Variants in GRHL2 observed in about 807,000 individuals in gnomAD.
GRHL2 encodes the protein grainyhead-like protein 2 homolog.
In GRHL2, 21 loss-of-function variants were observed where a neutral mutation model predicts 83.8. That is an observed-to-expected ratio of 0.25 (90% CI 0.18 to 0.36). GRHL2 has a LOEUF of 0.36. GRHL2 is among the 10% of genes least tolerant of loss of function. The pLI, the probability that GRHL2 is intolerant of heterozygous loss-of-function variation, is 1.00. For missense variants in GRHL2, 623 were observed against 781.8 expected (o/e 0.80, Z 2.42); for synonymous variants, 280 against 278.9 (o/e 1.00, Z -0.04).
At chr8:101,526,891 C>T (rs1810818372) in intron 1 of GRHL2, among the ~76,000 whole-genome samples, 1 of 152,170 alleles carries the variant, frequency 6.6e-6, no homozygotes, top group Admixed American at 6.5e-5. Context: ...ATATTCTATA[C>T]TGCTTCATGA....
chr8:101,549,063 A>G (rs1025493913), intron 2 of GRHL2, among the ~76,000 whole-genome samples: 4 of 151,994 alleles, frequency 2.6e-5, no homozygotes, highest in Non-Finnish European at 4.4e-5. Flanking sequence ...AGAGACTGCC[A>G]TATCATGGAC....
intron 2 of GRHL2, among the ~76,000 whole-genome samples, chr8:101,545,568 G>T (rs1274196447): frequency 6.6e-6 from 1 of 151,486 alleles, no homozygotes; most frequent in Non-Finnish European, 1.5e-5. Flanking sequence ...TCTGATTGAG[G>T]ATCTCATCTG....
intron 1 of GRHL2, among the ~76,000 whole-genome samples, chr8:101,510,948 A>C (rs1371801721): frequency 2.6e-5 from 4 of 152,090 alleles, no homozygotes; most frequent in African/African-American, 7.2e-5. Flanking sequence ...AAAATACAAA[A>C]AAATTAGCCA....
Position 101,631,629 on chromosome 8 carries a change from C to G in GRHL2, c.1258-8C>G. On this transcript the variant is annotated splice_polypyrimidine_tract_variant and splice_region_variant and intron_variant, in intron 9 of 15. Coordinates refer to ENST00000646743, the MANE Select transcript of GRHL2 (RefSeq NM_024915.4). The stretch of plus-strand genomic sequence containing the variant: ...TGGCATTTTCTGTATTTGTTTTTTT[C>G]CTATCAGGGAGCAGAAAGAAAAATC... 2 of 1,611,306 alleles carry G rather than the reference C, an allele frequency of 1.2e-6. No homozygotes were observed. Among genetic ancestry groups the G allele is most frequent in the Non-Finnish European group, 1.7e-6 (2 of 1,178,046 alleles).
chr8:101,610,720 G>A (rs1450882063), intron 8 of GRHL2, among the ~76,000 whole-genome samples: 2 of 150,882 alleles, frequency 1.3e-5, no homozygotes, highest in Non-Finnish European at 2.9e-5. Context: ...TAGTGCTAGG[G>A]TTTGCACCAG....
At chr8:101,584,611 T>TA (rs1812124862) in intron 7 of GRHL2, among the ~76,000 whole-genome samples, 1 of 152,338 alleles carries the variant, frequency 6.6e-6, no homozygotes, top group Non-Finnish European at 1.5e-5. Flanking sequence ...GAGTTTTTTT[T>TA]ATTTGAGTTT....
At chr8:101,663,073 T>C (rs1813957955) in intron 14 of GRHL2, among the ~76,000 whole-genome samples, 1 of 152,188 alleles carries the variant, frequency 6.6e-6, no homozygotes, top group African/African-American at 2.4e-5. Context: ...GTTTTCTCTA[T>C]CCTAAACAGT....
At chr8:101,508,483 T>C (rs1810385266) in intron 1 of GRHL2, among the ~76,000 whole-genome samples, 1 of 152,096 alleles carries the variant, frequency 6.6e-6, no homozygotes, top group Non-Finnish European at 1.5e-5. Context: ...TAGGGTTTTG[T>C]ACAGAGTTCA....
chr8:101,553,774 C>T (rs181768042), intron 3 of GRHL2, among the ~76,000 whole-genome samples: 45 of 152,104 alleles, frequency 3.0e-4, no homozygotes, highest in Admixed American at 1.8e-3. Context: ...ACTGCAAGTG[C>T]GCACCACCAT....
At chr8:101,581,676 C>T (rs955562102) in intron 7 of GRHL2, among the ~76,000 whole-genome samples, 3 of 152,176 alleles carry the variant, frequency 2.0e-5, no homozygotes, top group East Asian at 3.9e-4. Flanking sequence ...GTTTACTGAA[C>T]ACCTACTATG....
At chr8:101,580,609 C>T (rs1420229685) in intron 7 of GRHL2, among the ~76,000 whole-genome samples, 3 of 152,126 alleles carry the variant, frequency 2.0e-5, no homozygotes, top group Non-Finnish European at 4.4e-5. Flanking sequence ...AAGAATTTTA[C>T]GCAAGATCAC....
chr8:101,523,765 C>T (rs1563563455), intron 1 of GRHL2, among the ~76,000 whole-genome samples: 1 of 152,130 alleles, frequency 6.6e-6, no homozygotes, highest in Non-Finnish European at 1.5e-5. Context: ...AAGTGTGAGC[C>T]ACTGGCCCAG....
intron 1 of GRHL2, among the ~76,000 whole-genome samples, chr8:101,505,946 T>C (rs1347767636): frequency 6.6e-6 from 1 of 152,204 alleles, no homozygotes; most frequent in Non-Finnish European, 1.5e-5. Context: ...CTGCAGCGTA[T>C]CCAAGTGTGC....
chr8:101,611,629 T>C (rs550955464), intron 8 of GRHL2, among the ~76,000 whole-genome samples: 10 of 150,962 alleles, frequency 6.6e-5, no homozygotes, highest in Non-Finnish European at 1.2e-4. Flanking sequence ...TCTCTACTAC[T>C]GAACACAATG....
At chr8:101,645,447 C>G (rs1398735150) in intron 13 of GRHL2, among the ~76,000 whole-genome samples, 1 of 152,146 alleles carries the variant, frequency 6.6e-6, no homozygotes, top group African/African-American at 2.4e-5. Flanking sequence ...TGCCCGCCAT[C>G]TGCATAGGCT....
Position 101,669,254 on chromosome 8 carries a change from CTT to C in GRHL2, c.*2562_*2563del, listed in dbSNP as rs71276995. On this transcript the variant is annotated 3_prime_UTR_variant, in exon 16 of 16. Transcript: ENST00000646743. ...GGACATGTGAAATGAGCATTTTTTT[CTT>C]TTTTTTTTTTAACAAAGTCTGAACT... 1 of 126,626 alleles carries C rather than the reference CTT, an allele frequency of 7.9e-6. No homozygotes were observed. The highest frequency in any genetic ancestry group is 1.6e-5 in the Non-Finnish European group (1 of 61,468). The allele number at this position is 126,626 out of a possible 1,614,324, so 7.8% of individuals were successfully genotyped here. A position where few individuals can be genotyped will look rare whatever the true frequency, so the allele number is the denominator to read the frequency against.
At chr8:101,672,708 C>T (rs957976490), downstream of GRHL2, among the ~76,000 whole-genome samples, 8 of 151,854 alleles carry the variant, frequency 5.3e-5, no homozygotes, top group African/African-American at 1.9e-4. Flanking sequence ...GAGAACGTCA[C>T]AAAGATACTC....
rs541597247 is a variant in GRHL2 at position 101,545,400 on chromosome 8, C to T, written c.216+1964C>T. ...ATGCTTTAAGGCCTAAACTACATTG[C>T]ATGTAACTAAGGCTATTTTCTCTAC... On this transcript the variant is annotated intron_variant, in intron 2 of 15. Transcript: ENST00000646743. 1.6e-4 allele frequency among the ~76,000 whole-genome samples: 20 copies of T among 125,014 alleles called. No individual in the cohort carries two copies. In the South Asian group the frequency reaches 4.5e-3, roughly 28 times the overall value. 82.0% of individuals were successfully genotyped at this position (125,014 alleles called of 152,430 possible).
intron 1 of GRHL2, among the ~76,000 whole-genome samples, chr8:101,518,470 TA>T (rs1333998034): frequency 6.6e-6 from 1 of 152,136 alleles, no homozygotes; most frequent in Non-Finnish European, 1.5e-5. Flanking sequence ...ATTTCCAGGG[TA>T]CCAGGAGTAG....
Sources: gnomAD v4.1 joint callset for allele counts (sites outside exome capture counted in the v4.1 genomes callset) on GRCh38, gnomAD v4.1.1 for gene constraint, MANE v1.5 for transcripts, NCBI Gene and HGNC (gene_info 2026-07-23, HGNC 2026-07-21) for gene names.